C6orf132: variants seen among roughly 807,000 people sequenced by gnomAD.
The protein encoded by C6orf132 is chromosome 6 open reading frame 132.
Under a neutral mutation model 65.3 loss-of-function variants are expected in C6orf132, and 43 were observed. That is an observed-to-expected ratio of 0.66 (90% confidence interval 0.52 to 0.85). The LOEUF (loss-of-function observed/expected upper bound fraction) is 0.85, where lower values mean the gene tolerates loss of function less well. Among genes scored for constraint, C6orf132 ranks in the 40% least tolerant of loss-of-function variants. C6orf132 has a pLI of 0.00. For missense variants in C6orf132, 1,488 were observed against 1,548.8 expected (o/e 0.96, Z 0.66); for synonymous variants, 631 against 654.1 (o/e 0.96, Z 0.54).
Position 42,106,932 on chromosome 6 carries a change from TC to T in C6orf132, c.979del (p.Glu327LysfsTer190). The T allele has an allele frequency of 6.5e-7, 1 of 1,535,904 alleles. No individual in the cohort carries two copies. The highest frequency in any genetic ancestry group is 8.7e-7 in the Non-Finnish European group (1 of 1,146,402). On this transcript the variant is annotated frameshift_variant, in exon 4 of 5. Transcript: ENST00000341865. LOFTEE classifies it high-confidence loss of function. ...GGGAGCCTTCTTGGTGGCCCCCTCTTCCTTTCGGGGAGCCTCTTGTGCTTCC... is the reference window on the plus strand; with the variant it reads ...GGGAGCCTTCTTGGTGGCCCCCTCTTCTTTCGGGGAGCCTCTTGTGCTTCC... ...VQEAQEAPRK[E>X]EGATKKAPSR...
chr6:42,116,456 G>A (rs1225071552), intron 2 of C6orf132, among the ~76,000 whole-genome samples: 2 of 151,968 alleles, frequency 1.3e-5, no homozygotes, highest in Non-Finnish European at 2.9e-5. Context: ...CTTCCTTCCT[G>A]CTGCCCCTCC....
intron 3 of C6orf132, among the ~76,000 whole-genome samples, chr6:42,109,156 C>T (rs549916441): frequency 8.5e-5 from 13 of 152,062 alleles, no homozygotes; most frequent in African/African-American, 1.2e-4. Context: ...GCAGTCCGGC[C>T]GGGTGCGGTG....
chr6:42,127,477 G>C (rs1302682836), intron 2 of C6orf132, among the ~76,000 whole-genome samples: 1 of 152,156 alleles, frequency 6.6e-6, no homozygotes, highest in East Asian at 1.9e-4. Flanking sequence ...AAAAAAACCG[G>C]TGATGGGGAG....
Position 42,106,322 on chromosome 6 carries a change from C to CT in C6orf132, c.1589dup (p.Ser531GlufsTer39). 1 of 1,536,724 alleles carries CT rather than the reference C, an allele frequency of 6.5e-7. No individual in the cohort carries two copies. ...CTGTCAGGCTGCTGCCGCCAAGACT[C>CT]TTTTCAGGAACACCTGGGGGAGTGT... is the stretch of plus-strand genomic sequence containing the variant. On this transcript the variant is annotated frameshift_variant, in exon 4 of 5. Transcript: ENST00000341865. LOFTEE classifies it high-confidence loss of function.
chr6:42,113,408 A>G (rs903247652), intron 2 of C6orf132, among the ~76,000 whole-genome samples: 12 of 152,176 alleles, frequency 7.9e-5, no homozygotes, highest in African/African-American at 2.7e-4. Flanking sequence ...CAATAGCCCT[A>G]TACTAAGAGT....
Position 42,128,721 on chromosome 6 carries a change from G to A in C6orf132, c.203C>T (p.Thr68Met), listed in dbSNP as rs148185675. Residue 68 changes from threonine to methionine, a missense_variant, in exon 2 of 5, where the codon ACG (threonine) becomes ATG (methionine). Coordinates refer to ENST00000341865, the MANE Select transcript of C6orf132 (RefSeq NM_001164446.3). ...FNTVSESGTATLKARPRVRPL... is the reference protein window; with the variant it reads ...FNTVSESGTAMLKARPRVRPL... ...CCGGACTCTTGGCCGAGCTTTCAGC[G>A]TGGCTGTTCCTGACTCGCTCACTGT... is the stretch of plus-strand genomic sequence containing the variant. The A allele has an allele frequency of 7.7e-6, 12 of 1,551,564 alleles. No individual in the cohort carries two copies. Among genetic ancestry groups the A allele is most frequent in the East Asian group, 4.9e-5 (2 of 40,906 alleles).
At chr6:42,126,526 G>A (rs923119192) in intron 2 of C6orf132, 1 of 169,080 alleles carries the variant, frequency 5.9e-6, no homozygotes, top group African/African-American at 2.4e-5. Flanking sequence ...TGATAGGAGA[G>A]AATCTAATTA....
chr6:42,137,216 C>G (rs1306507156), intron 1 of C6orf132, among the ~76,000 whole-genome samples: 1 of 152,170 alleles, frequency 6.6e-6, no homozygotes, highest in Non-Finnish European at 1.5e-5. Flanking sequence ...ACTGTCATTA[C>G]TCTATTGGCT....
In C6orf132 at chr6:42,104,079, G is replaced by C. The variant is rs551635819; in HGVS notation, c.3450-201C>G. Among the ~76,000 whole-genome samples the C allele has an allele frequency of 6.6e-6, 1 of 152,328 alleles. No individual in the cohort carries two copies. Among genetic ancestry groups the C allele is most frequent in the Admixed American group, 6.5e-5 (1 of 15,312 alleles). On this transcript the variant is annotated intron_variant, in intron 4 of 4. Coordinates refer to ENST00000341865, the MANE Select transcript of C6orf132 (RefSeq NM_001164446.3). The surrounding 1 kb of genome is among the most constrained non-coding windows in gnomAD (Gnocchi z 4.1). Reference sequence around the variant, plus strand: ...ATTCTGGTCTGGGCCCTGCTGGCCGGAGAACATGCCTAACAGCCTTTCACT... The same window carrying C: ...ATTCTGGTCTGGGCCCTGCTGGCCGCAGAACATGCCTAACAGCCTTTCACT...
intron 2 of C6orf132, among the ~76,000 whole-genome samples, chr6:42,115,322 T>C (rs1223689747): frequency 6.8e-6 from 1 of 146,638 alleles, no homozygotes; most frequent in African/African-American, 2.5e-5. Context: ...GAAAAAGTTA[T>C]GTACTTAATG....
chr6:42,141,277 A>C (rs1767025752), intron 1 of C6orf132, among the ~76,000 whole-genome samples: 1 of 152,188 alleles, frequency 6.6e-6, no homozygotes, highest in South Asian at 2.1e-4. Flanking sequence ...GTCCCAGCAC[A>C]GTGGCTATAA....
At position 42,110,303 on chromosome 6, in the gene C6orf132, C is replaced by G. The variant is rs1457796377; in HGVS notation, c.253-12G>C. ...TTTTCCTGGGCATTCTGAAAGAGACCAGAAAGAAATCAGGGGACAGGGAAA... is the reference window on the plus strand; with the variant it reads ...TTTTCCTGGGCATTCTGAAAGAGACGAGAAAGAAATCAGGGGACAGGGAAA... On this transcript the variant is annotated splice_polypyrimidine_tract_variant and intron_variant, in intron 2 of 4. Coordinates refer to ENST00000341865, the MANE Select transcript of C6orf132 (RefSeq NM_001164446.3). The G allele has an allele frequency of 6.5e-7, 1 of 1,541,606 alleles. No homozygotes were observed. Among genetic ancestry groups the G allele is most frequent in the Non-Finnish European group, 8.8e-7 (1 of 1,142,424 alleles).
chr6:42,103,940 T>C, intron 4 of C6orf132, 62 bp from the exon 5 acceptor site: 1 of 1,135,698 alleles, frequency 8.8e-7, no homozygotes, highest in Non-Finnish European at 1.2e-6. Context: ...ACGTCTCTCA[T>C]CTCCCCGAGG....
rs1460344608 is a variant in C6orf132, at chr6:42,106,520, G to A, written c.1392C>T (p.Pro464=). The change falls in exon 4 of 5, where the codon CCC becomes CCT. Residue 464 remains proline (P), a synonymous_variant. Coordinates refer to ENST00000341865, the MANE Select transcript of C6orf132 (RefSeq NM_001164446.3). Reference sequence around the variant, plus strand: ...CGTTCCGCAGCTTTTCCATCTGGCTGGGGTCCCTCCAGTCCACAGGTGCTG... The same window carrying A: ...CGTTCCGCAGCTTTTCCATCTGGCTAGGGTCCCTCCAGTCCACAGGTGCTG... The part of the protein sequence containing the change: ...ASSAPVDWRD[P]SQMEKLRNEL... The A allele has an allele frequency of 6.5e-7, 1 of 1,536,562 alleles. No homozygotes were observed. The highest frequency in any genetic ancestry group is 8.7e-7 in the Non-Finnish European group (1 of 1,146,876).
intron 1 of C6orf132, among the ~76,000 whole-genome samples, chr6:42,134,698 G>A (rs888443152): frequency 6.7e-6 from 1 of 149,836 alleles, no homozygotes; most frequent in Non-Finnish European, 1.5e-5. Context: ...TGCTTGAACC[G>A]GGGAGGCAGA....
intron 1 of C6orf132, among the ~76,000 whole-genome samples, chr6:42,129,066 C>T (rs1766813387): frequency 6.6e-6 from 1 of 152,252 alleles, no homozygotes; most frequent in African/African-American, 2.4e-5. Flanking sequence ...CGTCCTGAGC[C>T]TTCTCTCCCA....
chr6:42,123,451 AAGAAGGAGAAGGAGAAGAAGGAG>A (rs1766718683), intron 2 of C6orf132, among the ~76,000 whole-genome samples: 1 of 44,934 alleles, frequency 2.2e-5, no homozygotes, highest in African/African-American at 1.3e-4. Context: ...GAAGAAGGAG[AAGAAGGAGAAGGAGAAGAAGGAG>A]AAGGAGAAGA....
At chr6:42,128,243 T>C (rs1266900886) in intron 2 of C6orf132, among the ~76,000 whole-genome samples, 1 of 152,132 alleles carries the variant, frequency 6.6e-6, no homozygotes, top group East Asian at 1.9e-4. Flanking sequence ...CTCTTTTGAA[T>C]ATACCGGGTT....
chr6:42,116,284 C>T (rs921007002), intron 2 of C6orf132, among the ~76,000 whole-genome samples: 1 of 152,178 alleles, frequency 6.6e-6, no homozygotes, highest in African/African-American at 2.4e-5. Flanking sequence ...CCCAATGAGA[C>T]AGGTGCTGTC....
Sources: allele counts gnomAD v4.1 joint callset (sites outside exome capture counted in the v4.1 genomes callset), GRCh38; gene constraint gnomAD v4.1.1; non-coding constraint Gnocchi (gnomAD v3.1); transcripts MANE v1.5; gene names NCBI Gene and HGNC (gene_info 2026-07-23, HGNC 2026-07-21).